CTDP1: variants seen among roughly 807,000 people sequenced by gnomAD.
CTDP1 encodes CTD phosphatase 1, also known as RNA polymerase II subunit A C-terminal domain phosphatase.
In CTDP1, 47 loss-of-function variants were observed where a neutral mutation model predicts 91.8. The ratio of observed to expected loss-of-function variants is 0.51; its 90% confidence interval spans 0.41 to 0.65. CTDP1 has a LOEUF of 0.65. Among genes scored for constraint, CTDP1 ranks in the 30% least tolerant of loss-of-function variants. The probability of loss-of-function intolerance (pLI) is 0.00; values close to 1 mark genes in which losing one functional copy is unlikely to be tolerated. For synonymous variants in CTDP1, 656 were observed against 598.5 expected (o/e 1.10, Z -1.40); for missense variants, 1,272 against 1,373.7 (o/e 0.93, Z 1.17).
At chr18:79,755,103 G>A (rs1221671389), downstream of CTDP1, 2 of 152,322 alleles carry the variant, frequency 1.3e-5, no homozygotes, top group African/African-American at 2.4e-5. Context: ...GAGGTTGGCT[G>A]GGGAGGGAGG....
At chr18:79,712,427 G>A (rs897431902) in intron 6 of CTDP1, among the ~76,000 whole-genome samples, 3 of 152,106 alleles carry the variant, frequency 2.0e-5, no homozygotes, top group Non-Finnish European at 2.9e-5. Flanking sequence ...GACTACGGGC[G>A]CACACCCCCA....
intron 12 of CTDP1, among the ~76,000 whole-genome samples, chr18:79,739,489 G>A (rs569343564): frequency 3.9e-5 from 6 of 151,958 alleles, no homozygotes; most frequent in East Asian, 1.9e-4. Flanking sequence ...AGAGAACCAC[G>A]CAAGCACGGA....
intron 10 of CTDP1, among the ~76,000 whole-genome samples, chr18:79,718,729 C>A (rs920783531): frequency 6.6e-6 from 1 of 152,022 alleles, no homozygotes; most frequent in Non-Finnish European, 1.5e-5. Context: ...TTGTTTGTAC[C>A]GTGGTTGTTG....
chr18:79,725,977 GGTGTCCTGGT>G (rs2086436897), intron 10 of CTDP1, among the ~76,000 whole-genome samples: 1 of 152,166 alleles, frequency 6.6e-6, no homozygotes, highest in Non-Finnish European at 1.5e-5. Context: ...TTGATGACGA[GGTGTCCTGGT>G]GTAGATTTGG....
intron 10 of CTDP1, among the ~76,000 whole-genome samples, chr18:79,727,421 G>A (rs1032557365): frequency 5.9e-5 from 9 of 151,790 alleles, no homozygotes; most frequent in South Asian, 2.1e-4. Flanking sequence ...GAAGCGCAGC[G>A]TTCGTGGGGT....
chr18:79,696,336 G>A (rs1361918465), intron 3 of CTDP1, among the ~76,000 whole-genome samples: 1 of 152,240 alleles, frequency 6.6e-6, no homozygotes, highest in Non-Finnish European at 1.5e-5. Context: ...ACCAGGTGCT[G>A]CCGCCGCAGC....
At chr18:79,728,151 G>C (rs540638528) in intron 10 of CTDP1, among the ~76,000 whole-genome samples, 1 of 152,150 alleles carries the variant, frequency 6.6e-6, no homozygotes, top group Admixed American at 6.5e-5. Context: ...CCAGGCTGGA[G>C]TGCAGTGGCG....
intron 4 of CTDP1, chr18:79,703,180 C>T (rs901387210): frequency 1.3e-5 from 2 of 152,144 alleles, no homozygotes; most frequent in Non-Finnish European, 2.9e-5. Context: ...TTCTTCATGA[C>T]GGTCGTGACT....
chr18:79,714,434 G>T, intron 7 of CTDP1, 57 bp from the exon 8 acceptor site: 1 of 1,584,318 alleles, frequency 6.3e-7, no homozygotes, highest in Non-Finnish European at 8.7e-7. Context: ...AACTTGGAAC[G>T]TTATTTAATG....
upstream of CTDP1, chr18:79,679,714 G>A: frequency 2.0e-6 from 1 of 507,668 alleles, no homozygotes; most frequent in Non-Finnish European, 3.7e-6. Context: ...CCAGGACGGA[G>A]CCGGCTCCGG....
chr18:79,708,645 A>G (rs2086017814), intron 5 of CTDP1, among the ~76,000 whole-genome samples: 1 of 152,230 alleles, frequency 6.6e-6, no homozygotes, highest in Non-Finnish European at 1.5e-5. Context: ...TGCTTTTGAG[A>G]TGTCTCATCT....
chr18:79,726,994 G>A (rs73972719), intron 10 of CTDP1, among the ~76,000 whole-genome samples: 2,758 of 144,164 alleles, frequency 0.019, 99 homozygotes, highest in African/African-American at 0.069. Context: ...GGGTGACGCC[G>A]TTGCTGGTGG....
intron 12 of CTDP1, among the ~76,000 whole-genome samples, chr18:79,739,341 C>G (rs1203852220): frequency 6.6e-6 from 1 of 151,958 alleles, no homozygotes; most frequent in Non-Finnish European, 1.5e-5. Context: ...CTCAGCGGGT[C>G]GGGACCCAGA....
chr18:79,692,239 G>A (rs1044126156), intron 1 of CTDP1, among the ~76,000 whole-genome samples: 1 of 152,040 alleles, frequency 6.6e-6, no homozygotes, highest in African/African-American at 2.4e-5. Flanking sequence ...GTCAGCCGTT[G>A]ATCCATTTGT....
At position 79,680,091 on chromosome 18, in the gene CTDP1, G is replaced by T; in HGVS notation, c.144G>T (p.Val48=). 1 of 1,404,332 alleles carries T rather than the reference G, an allele frequency of 7.1e-7. No homozygotes were observed. Among genetic ancestry groups the T allele is most frequent in the Non-Finnish European group, 9.3e-7 (1 of 1,078,578 alleles). The allele number at this position is 1,404,332 out of a possible 1,614,324, so 87.0% of individuals were successfully genotyped here. ...GCGCGGCCGTGCGCATCGGCTCGGT[G>T]CTGGCCGTGTTCGAGGCCGCCGCCT... ...AAGAAVRIGS[V]LAVFEAAASA... is the part of the protein sequence containing the mutation. The change falls in exon 1 of 13, where the codon GTG becomes GTT. Residue 48 remains valine (V), a synonymous_variant. Transcript: ENST00000613122.
intron 12 of CTDP1, among the ~76,000 whole-genome samples, chr18:79,748,933 G>T (rs145118773): frequency 6.8e-6 from 1 of 147,328 alleles, no homozygotes; most frequent in African/African-American, 2.5e-5. Flanking sequence ...TGTGTGAGCC[G>T]TGTTGGTGCA....
At chr18:79,727,470 C>T (rs373463741) in intron 10 of CTDP1, among the ~76,000 whole-genome samples, 7 of 152,142 alleles carry the variant, frequency 4.6e-5, no homozygotes, top group East Asian at 3.9e-4. Flanking sequence ...GGATGGGAAG[C>T]GCGGCTTTCG....
intron 7 of CTDP1, 151 bp from the exon 8 acceptor site, chr18:79,714,340 C>G: frequency 1.2e-6 from 1 of 838,588 alleles, no homozygotes; most frequent in South Asian, 1.5e-5. Flanking sequence ...GGTGCTCACC[C>G]TGTCCGGCCT....
intron 12 of CTDP1, among the ~76,000 whole-genome samples, chr18:79,740,325 G>A (rs866797187): frequency 4.2e-4 from 64 of 152,332 alleles, no homozygotes; most frequent in East Asian, 1.4e-3. Context: ...AGGGTGGGGC[G>A]GTGGGGTCTT....
Sources: allele counts gnomAD v4.1 joint callset (sites outside exome capture counted in the v4.1 genomes callset), GRCh38; gene constraint gnomAD v4.1.1; transcripts MANE v1.5; gene names NCBI Gene and HGNC (gene_info 2026-07-23, HGNC 2026-07-21).